Variants in TOP6BL observed in about 807,000 individuals in gnomAD.
The protein encoded by TOP6BL is TOP6B like initiator of meiotic double strand breaks, also known as type 2 DNA topoisomerase 6 subunit B-like.
chr11:66,828,545 G>A, the TOP6BL span: 1 of 562,256 alleles, frequency 1.8e-6, no homozygotes. Context: ...TATCCCACTG[G>A]TTGCCTGGTG....
At chr11:66,804,366 T>C in the TOP6BL span, among the ~76,000 whole-genome samples, 2 of 152,328 alleles carry the variant, frequency 1.3e-5, no homozygotes, top group Non-Finnish European at 2.9e-5. Context: ...AACTGAAAAC[T>C]GTAAAATGTG....
At chr11:66,829,303 G>A in the TOP6BL span, among the ~76,000 whole-genome samples, 2 of 150,804 alleles carry the variant, frequency 1.3e-5, no homozygotes, top group African/African-American at 2.4e-5. Flanking sequence ...CAGGCCGCGT[G>A]TGGTGGCTAC....
the TOP6BL span, among the ~76,000 whole-genome samples, chr11:66,831,996 C>CAAA: frequency 1.7e-3 from 80 of 46,448 alleles, 2 homozygotes; most frequent in Non-Finnish European, 2.2e-3. Flanking sequence ...GACTCTGTCT[C>CAAA]AAAAAAAAAA....
chr11:66,843,251 C>T, the TOP6BL span: 1 of 1,606,844 alleles, frequency 6.2e-7, no homozygotes, highest in Non-Finnish European at 8.5e-7. Flanking sequence ...TCCCCTTCCG[C>T]AAGCGCCCAC....
At chr11:66,744,819 G>GGC in the TOP6BL span, 8 of 1,230,220 alleles carry the variant, frequency 6.5e-6, no homozygotes, top group Non-Finnish European at 8.3e-6. Context: ...GCTGAGGAGG[G>GGC]GGCGGCGGCG....
chr11:66,805,890 T>G, the TOP6BL span, among the ~76,000 whole-genome samples: 3 of 152,332 alleles, frequency 2.0e-5, no homozygotes, highest in South Asian at 6.2e-4. Context: ...GTGAATTGTA[T>G]CTCAATAAAG....
the TOP6BL span, among the ~76,000 whole-genome samples, chr11:66,777,918 A>G: frequency 6.6e-6 from 1 of 152,144 alleles, no homozygotes; most frequent in African/African-American, 2.4e-5. Flanking sequence ...TAGCAAAGTT[A>G]CCAACTTCAC....
the TOP6BL span, among the ~76,000 whole-genome samples, chr11:66,812,166 T>G: frequency 6.6e-6 from 1 of 151,660 alleles, no homozygotes; most frequent in Non-Finnish European, 1.5e-5. Flanking sequence ...AACACTCCCC[T>G]CTTATTCTGA....
the TOP6BL span, chr11:66,748,329 CTG>C: frequency 1.4e-6 from 2 of 1,402,270 alleles, no homozygotes; most frequent in Non-Finnish European, 1.9e-6. Flanking sequence ...TGTATTATTA[CTG>C]TGATTTCTAA....
At chr11:66,803,879 T>A in the TOP6BL span, 5 of 698,362 alleles carry the variant, frequency 7.2e-6, no homozygotes, top group Non-Finnish European at 1.1e-5. Flanking sequence ...AAAACTGATA[T>A]GGCAGGTTGT....
chr11:66,758,924 G>A, the TOP6BL span: 2 of 558,048 alleles, frequency 3.6e-6, no homozygotes, highest in Non-Finnish European at 6.1e-6. Context: ...AAACTCATTA[G>A]TAGTGGTCAC....
chr11:66,832,160 T>C, the TOP6BL span, among the ~76,000 whole-genome samples: 2 of 151,392 alleles, frequency 1.3e-5, no homozygotes, highest in Non-Finnish European at 2.9e-5. Flanking sequence ...TGCAGTGGCG[T>C]GATCTCGGCT....
chr11:66,815,320 C>T, the TOP6BL span, among the ~76,000 whole-genome samples: 1 of 152,162 alleles, frequency 6.6e-6, no homozygotes. Context: ...TCATCTCCCT[C>T]CCTTATTACT....
the TOP6BL span, chr11:66,839,001 G>C: frequency 7.6e-6 from 3 of 395,290 alleles, no homozygotes; most frequent in Non-Finnish European, 1.5e-5. Context: ...AAAGTGCTGG[G>C]ATTACAGGCG....
chr11:66,832,639 G>A, the TOP6BL span, among the ~76,000 whole-genome samples: 19 of 152,330 alleles, frequency 1.2e-4, no homozygotes, highest in Admixed American at 3.9e-4. Context: ...TGCCTTCTAC[G>A]ATGCACTTCC....
At chr11:66,771,917 T>A in the TOP6BL span, among the ~76,000 whole-genome samples, 1 of 152,172 alleles carries the variant, frequency 6.6e-6, no homozygotes, top group Non-Finnish European at 1.5e-5. Flanking sequence ...AAGAAGTAAT[T>A]TCAACTTTTA....
the TOP6BL span, chr11:66,748,463 A>C: frequency 6.5e-7 from 1 of 1,549,282 alleles, no homozygotes; most frequent in Non-Finnish European, 8.7e-7. Flanking sequence ...AGTGATTTCC[A>C]TAGAAGGATT....
At chr11:66,822,550 G>C in the TOP6BL span, 1 of 1,506,602 alleles carries the variant, frequency 6.6e-7, no homozygotes, top group East Asian at 2.5e-5. Flanking sequence ...CCCCTTACTT[G>C]TTATGTTCCC....
chr11:66,769,905 T>A, the TOP6BL span, among the ~76,000 whole-genome samples: 1 of 151,414 alleles, frequency 6.6e-6, no homozygotes. Flanking sequence ...CACGCCCGGC[T>A]AATTTTTTTT....
Sources: gnomAD v4.1 joint callset for allele counts (sites outside exome capture counted in the v4.1 genomes callset) on GRCh38, gnomAD v4.1.1 for gene constraint, MANE v1.5 for transcripts, NCBI Gene and HGNC (gene_info 2026-07-23, HGNC 2026-07-21) for gene names.